Variants in GMDS observed in about 807,000 individuals in gnomAD.
GMDS encodes the protein GDP-mannose 4,6 dehydratase.
In GMDS, 20 loss-of-function variants were observed where a neutral mutation model predicts 49.9. The ratio of observed to expected loss-of-function variants is 0.40; its 90% CI spans 0.28 to 0.58. The LOEUF (loss-of-function observed/expected upper bound fraction) is 0.58. GMDS is among the 20% of genes least tolerant of loss of function. The pLI, the probability that GMDS is intolerant of heterozygous loss-of-function variation, is 0.42. For missense variants in GMDS, 362 were observed against 481.4 expected (o/e 0.75, Z 2.32); for synonymous variants, 177 against 178.6 (o/e 0.99, Z 0.07).
chr6:2,019,335 A>G (rs1279276541), intron 4 of GMDS, among the ~76,000 whole-genome samples: 1 of 151,680 alleles, frequency 6.6e-6, no homozygotes, highest in Non-Finnish European at 1.5e-5. Flanking sequence ...GCCTCCATGC[A>G]ATGTTGAATG....
At chr6:2,159,974 TTA>T (rs1292028671) in intron 1 of GMDS, among the ~76,000 whole-genome samples, 2 of 152,214 alleles carry the variant, frequency 1.3e-5, no homozygotes, top group African/African-American at 4.8e-5. Flanking sequence ...TATAGTCATA[TTA>T]TATAGCACCA....
intron 7 of GMDS, among the ~76,000 whole-genome samples, chr6:1,868,831 G>A (rs182435339): frequency 1.3e-5 from 2 of 152,042 alleles, no homozygotes; most frequent in East Asian, 3.9e-4. Context: ...AATCTTATAA[G>A]GCATTATTTG....
At chr6:1,826,683 A>G (rs1241212496) in intron 7 of GMDS, among the ~76,000 whole-genome samples, 1 of 152,230 alleles carries the variant, frequency 6.6e-6, no homozygotes, top group African/African-American at 2.4e-5. Context: ...GAGGCCCTAT[A>G]TAAGTTTCAA....
chr6:1,913,825 A>C (rs1329301303), intron 7 of GMDS, among the ~76,000 whole-genome samples: 1 of 149,284 alleles, frequency 6.7e-6, no homozygotes, highest in Admixed American at 6.6e-5. Flanking sequence ...TTATAAAACC[A>C]AAAAAGTACT....
At chr6:2,125,524 T>C (rs1453684324) in intron 1 of GMDS, among the ~76,000 whole-genome samples, 1 of 151,632 alleles carries the variant, frequency 6.6e-6, no homozygotes, top group Admixed American at 6.6e-5. Context: ...AACCTGGGAG[T>C]TCGAGGCTGG....
intron 4 of GMDS, among the ~76,000 whole-genome samples, chr6:2,024,016 T>C (rs920328497): frequency 5.3e-5 from 8 of 151,836 alleles, no homozygotes; most frequent in Non-Finnish European, 1.0e-4. Context: ...GTAATACAAC[T>C]GAGAAACACA....
intron 7 of GMDS, among the ~76,000 whole-genome samples, chr6:1,900,221 G>T (rs190236044): frequency 1.1e-4 from 17 of 152,316 alleles, no homozygotes; most frequent in African/African-American, 3.6e-4. Context: ...CCTCCATGGA[G>T]TTCCAACATA....
chr6:1,663,404 G>C (rs1421878212), intron 9 of GMDS, among the ~76,000 whole-genome samples: 1 of 152,132 alleles, frequency 6.6e-6, no homozygotes, highest in African/African-American at 2.4e-5. Context: ...TAACTGAAAC[G>C]TCCCAAAGTT....
intron 7 of GMDS, among the ~76,000 whole-genome samples, chr6:1,905,957 A>G (rs9503042): frequency 0.023 from 3,566 of 152,192 alleles, 146 homozygotes; most frequent in African/African-American, 0.08. Flanking sequence ...TGTTGAGTCC[A>G]AGCCATCTGA....
chr6:2,135,649 C>T (rs996791939), intron 1 of GMDS, among the ~76,000 whole-genome samples: 3 of 152,046 alleles, frequency 2.0e-5, no homozygotes, highest in Non-Finnish European at 4.4e-5. Context: ...ACATTAATGC[C>T]GACATTCATT....
intron 9 of GMDS, among the ~76,000 whole-genome samples, chr6:1,694,132 A>T (rs1476448830): frequency 6.6e-6 from 1 of 152,170 alleles, no homozygotes; most frequent in Non-Finnish European, 1.5e-5. Context: ...TTCTCTGATG[A>T]CTTGACAAAG....
In GMDS at chr6:1,709,798, A is replaced by G. The variant is rs74872833; in HGVS notation, c.987+16618T>C. ...GGATTTAGAGATGGGACTGAGAGTT[A>G]TGTTTCAAAACCAGAGCTTGAAGTT... On this transcript the variant is annotated intron_variant, in intron 9 of 10. Transcript: ENST00000380815. 4.4e-3 allele frequency among the ~76,000 whole-genome samples: 676 copies of G among 152,340 alleles called. 9 individuals carry two copies. The highest frequency in any genetic ancestry group is 0.015 in the African/African-American group (640 of 41,582).
chr6:1,990,909 A>T (rs1394915356), intron 4 of GMDS, among the ~76,000 whole-genome samples: 1 of 152,040 alleles, frequency 6.6e-6, no homozygotes, highest in East Asian at 1.9e-4. Flanking sequence ...CTTCTACTCT[A>T]ACTCTCTGGC....
chr6:1,759,531 C>G (rs1484689154), intron 7 of GMDS, among the ~76,000 whole-genome samples: 1 of 152,142 alleles, frequency 6.6e-6, no homozygotes, highest in Non-Finnish European at 1.5e-5. Flanking sequence ...GCTGTGTGGA[C>G]TTTTGTGAGC....
At chr6:1,771,474 G>A (rs563807545) in intron 7 of GMDS, among the ~76,000 whole-genome samples, 2 of 152,194 alleles carry the variant, frequency 1.3e-5, no homozygotes, top group African/African-American at 2.4e-5. Flanking sequence ...GAAAAGGAGT[G>A]TGAAGTGCCT....
At chr6:2,124,865 C>T (rs952956974) in intron 1 of GMDS, 134 bp from the exon 2 acceptor site, 13 of 673,094 alleles carry the variant, frequency 1.9e-5, no homozygotes, top group Middle Eastern at 2.4e-4. Context: ...ATAAAAATAA[C>T]ACCAATAATG....
At chr6:2,059,704 T>C (rs1381406932) in intron 4 of GMDS, among the ~76,000 whole-genome samples, 1 of 2,262 alleles carries the variant, frequency 4.4e-4, no homozygotes, top group Non-Finnish European at 1.3e-3. Context: ...CGAGACTCCG[T>C]CTCAAAAAAA....
rs185118005 is a variant in GMDS at position 2,040,890 on chromosome 6, C to T, written c.345+74881G>A. On this transcript the variant is annotated intron_variant, in intron 4 of 10. Transcript: ENST00000380815. ...AGACTGTCTATTTCTTCATCAAACA[C>T]AGCACAAAAATACACAGGTTTCCCT... Among the ~76,000 whole-genome samples the T allele has an allele frequency of 2.0e-3, 301 of 152,324 alleles. 2 individuals carry two copies. The highest frequency in any genetic ancestry group is 3.1e-3 in the Non-Finnish European group (214 of 68,030).
At chr6:1,741,494 C>T (rs1561772371) in intron 8 of GMDS, among the ~76,000 whole-genome samples, 1 of 151,878 alleles carries the variant, frequency 6.6e-6, no homozygotes, top group East Asian at 1.9e-4. Context: ...GGAAAATTTT[C>T]CAAATTTCTT....
Sources: gnomAD v4.1 joint callset for allele counts (sites outside exome capture counted in the v4.1 genomes callset) on GRCh38, gnomAD v4.1.1 for gene constraint, MANE v1.5 for transcripts, NCBI Gene and HGNC (gene_info 2026-07-23, HGNC 2026-07-21) for gene names.